SPAG16: variants seen among roughly 807,000 people sequenced by gnomAD.
SPAG16 encodes sperm associated antigen 16, also known as sperm-associated antigen 16 protein.
SPAG16 carries 86 observed loss-of-function variants against 80.4 expected under a neutral mutation model. The observed-to-expected ratio is 1.07, with a 90% CI of 0.90 to 1.28. The LOEUF is 1.28. SPAG16 is among the 50% of genes most tolerant of loss of function. SPAG16 has a pLI of 0.00. For missense variants in SPAG16, 870 were observed against 765.3 expected (o/e 1.14, Z -1.61); for synonymous variants, 294 against 265.9 (o/e 1.11, Z -1.03).
At chr2:213,545,440 C>CAAGAGAA (rs1559240065) in intron 10 of SPAG16, among the ~76,000 whole-genome samples, 1 of 152,004 alleles carries the variant, frequency 6.6e-6, no homozygotes, top group Non-Finnish European at 1.5e-5. Context: ...TTGACAGTGT[C>CAAGAGAA]TTTCATAGAG....
At chr2:214,353,765 G>A (rs149201360) in intron 15 of SPAG16, among the ~76,000 whole-genome samples, 22 of 152,086 alleles carry the variant, frequency 1.4e-4, no homozygotes, top group East Asian at 5.8e-4. Flanking sequence ...TTATTTATAC[G>A]GTCAGTGTAA....
At chr2:213,881,692 A>T (rs909727716) in intron 11 of SPAG16, among the ~76,000 whole-genome samples, 1 of 152,204 alleles carries the variant, frequency 6.6e-6, no homozygotes, top group Admixed American at 6.5e-5. Flanking sequence ...AGAACTCACC[A>T]TCCCAAGAAC....
intron 15 of SPAG16, among the ~76,000 whole-genome samples, chr2:214,291,300 C>CTGTTTTTTTT (rs1693773921): frequency 1.2e-5 from 1 of 80,484 alleles, no homozygotes; most frequent in Admixed American, 2.1e-4. Context: ...GATCATGTTT[C>CTGTTTTTTTT]TTTTTTTTTT....
At chr2:213,291,038 T>G (rs1222251034) in intron 1 of SPAG16, among the ~76,000 whole-genome samples, 1 of 152,218 alleles carries the variant, frequency 6.6e-6, no homozygotes, top group Non-Finnish European at 1.5e-5. Context: ...CTCATCTGTT[T>G]TCATTGGGTC....
intron 15 of SPAG16, among the ~76,000 whole-genome samples, chr2:214,227,563 C>G (rs1483904825): frequency 2.0e-5 from 3 of 151,838 alleles, no homozygotes; most frequent in Non-Finnish European, 4.4e-5. Context: ...CTTGATTAAT[C>G]ATTGCTGTAA....
chr2:213,691,866 T>C (rs574160677), intron 10 of SPAG16, among the ~76,000 whole-genome samples: 1 of 152,350 alleles, frequency 6.6e-6, no homozygotes, highest in African/African-American at 2.4e-5. Flanking sequence ...GCATGGCTAA[T>C]ACATAGTGGA....
chr2:214,162,614 C>T (rs1434677573), intron 15 of SPAG16, among the ~76,000 whole-genome samples: 1 of 152,092 alleles, frequency 6.6e-6, no homozygotes, highest in Non-Finnish European at 1.5e-5. Context: ...TATTAGAGAT[C>T]AACTTCAAAC....
chr2:214,286,424 C>G (rs1693367642), intron 15 of SPAG16, among the ~76,000 whole-genome samples: 1 of 151,810 alleles, frequency 6.6e-6, no homozygotes, highest in African/African-American at 2.4e-5. Flanking sequence ...CCCAATAATA[C>G]TATAAATGAC....
intron 10 of SPAG16, among the ~76,000 whole-genome samples, chr2:213,709,739 T>G (rs2065904688): frequency 6.6e-6 from 1 of 152,148 alleles, no homozygotes; most frequent in Admixed American, 6.5e-5. Context: ...TGCCCCATCC[T>G]CCAGTCCCTC....
rs141509332 is a variant in SPAG16 at position 213,809,375 on chromosome 2, G to A, written c.1071-53110G>A. On this transcript the variant is annotated intron_variant, in intron 10 of 15. Transcript: ENST00000331683. ...GGTATGTACTGTAAGTTGGAAAAAG[G>A]AAAAACTCACCCAGGTCCTAGCAAG... Among the ~76,000 whole-genome samples, 333 of 152,224 alleles carry A rather than the reference G, an allele frequency of 2.2e-3. 1 individual carries two copies. Among genetic ancestry groups the A allele is most frequent in the African/African-American group, 7.7e-3 (321 of 41,538 alleles).
At chr2:213,831,756 C>A (rs772235532) in intron 10 of SPAG16, among the ~76,000 whole-genome samples, 1 of 151,680 alleles carries the variant, frequency 6.6e-6, no homozygotes, top group African/African-American at 2.4e-5. Context: ...GTATTGTAAT[C>A]ATAAATGACA....
chr2:214,199,320 G>A (rs985049049), intron 15 of SPAG16, among the ~76,000 whole-genome samples: 2 of 151,986 alleles, frequency 1.3e-5, no homozygotes, highest in Non-Finnish European at 2.9e-5. Context: ...TCTTCCACAT[G>A]TGTTTGTCAG....
intron 10 of SPAG16, among the ~76,000 whole-genome samples, chr2:213,702,278 G>C (rs540842197): frequency 6.6e-6 from 1 of 152,330 alleles, no homozygotes; most frequent in African/African-American, 2.4e-5. Flanking sequence ...CCAGATAAGG[G>C]AATAAAAGCA....
At chr2:214,320,790 T>G (rs1387188137) in intron 15 of SPAG16, among the ~76,000 whole-genome samples, 2 of 152,186 alleles carry the variant, frequency 1.3e-5, no homozygotes, top group Non-Finnish European at 2.9e-5. Flanking sequence ...CACATGAAGA[T>G]TATGTGGATG....
intron 10 of SPAG16, among the ~76,000 whole-genome samples, chr2:213,807,204 C>A (rs1009206587): frequency 6.6e-6 from 1 of 152,152 alleles, no homozygotes; most frequent in African/African-American, 2.4e-5. Context: ...AAAACAGGAT[C>A]TTTCCTTGAC....
intron 11 of SPAG16, among the ~76,000 whole-genome samples, chr2:213,884,393 A>G (rs749062505): frequency 1.3e-5 from 2 of 152,032 alleles, no homozygotes; most frequent in Non-Finnish European, 2.9e-5. Context: ...TTTCTTCCAT[A>G]TGTGATTTGA....
chr2:213,702,882 C>T (rs1055941561), intron 10 of SPAG16, among the ~76,000 whole-genome samples: 1 of 152,134 alleles, frequency 6.6e-6, no homozygotes. Context: ...ATAGTACTAG[C>T]ACTCAGACCC....
At chr2:213,366,105 G>A (rs565810210) in intron 8 of SPAG16, among the ~76,000 whole-genome samples, 125 of 141,134 alleles carry the variant, frequency 8.9e-4, no homozygotes, top group African/African-American at 3.0e-3. Flanking sequence ...TCCCGCCACT[G>A]CACTCCAGCC....
chr2:214,258,366 TTAGA>T (rs1439523235), intron 15 of SPAG16, among the ~76,000 whole-genome samples: 2 of 151,938 alleles, frequency 1.3e-5, no homozygotes, highest in Admixed American at 1.3e-4. Flanking sequence ...GTTACTTCAC[TTAGA>T]ATAGTGGTCT....
Sources: allele counts gnomAD v4.1 joint callset (sites outside exome capture counted in the v4.1 genomes callset), GRCh38; gene constraint gnomAD v4.1.1; transcripts MANE v1.5; gene names NCBI Gene and HGNC (gene_info 2026-07-23, HGNC 2026-07-21).